The following COL22A1 variants were observed in gnomAD, a reference collection of about 807,000 sequenced individuals.
COL22A1 encodes collagen alpha-1(XXII) chain.
In COL22A1, 221 loss-of-function variants were observed where a neutral mutation model predicts 248.9. The ratio of observed to expected loss-of-function variants is 0.89; its 90% CI spans 0.80 to 0.99. The LOEUF is 0.99. Ranked by LOEUF, COL22A1 falls within the 50% of genes least tolerant of loss-of-function variation. COL22A1 has a pLI of 0.00. For synonymous variants in COL22A1, 891 were observed against 793.4 expected (o/e 1.12, Z -2.07); for missense variants, 2,240 against 2,179.0 (o/e 1.03, Z -0.56).
chr8:138,826,929 T>A, intron 5 of COL22A1, 148 bp from the exon 6 acceptor site: 2 of 968,750 alleles, frequency 2.1e-6, no homozygotes, highest in African/African-American at 3.3e-5. Context: ...CTGCCTTCAC[T>A]GCCTTCTCCT....
At chr8:138,720,716 G>T in intron 27 of COL22A1, 23 bp downstream of exon 27, 2 of 1,602,256 alleles carry the variant, frequency 1.2e-6, no homozygotes, top group Non-Finnish European at 1.7e-6. Context: ...AAGCATAATG[G>T]GAAAAAGAGG....
chr8:138,708,414 G>C (rs1048896833), intron 30 of COL22A1, among the ~76,000 whole-genome samples: 5 of 152,186 alleles, frequency 3.3e-5, no homozygotes, highest in African/African-American at 1.2e-4. Flanking sequence ...AACCAAAACA[G>C]CATGGTACTG....
intron 20 of COL22A1, 27 bp downstream of exon 20, chr8:138,755,455 T>G (rs748322870): frequency 6.2e-7 from 1 of 1,609,614 alleles, no homozygotes; most frequent in South Asian, 1.1e-5. Context: ...TAAATCCCCA[T>G]GAGAAGAAGA....
chr8:138,726,719 C>T (rs4075072), intron 23 of COL22A1, among the ~76,000 whole-genome samples: 60,799 of 151,412 alleles, frequency 0.4, 12,503 homozygotes, highest in African/African-American at 0.52. Context: ...TAAAGGCCGG[C>T]TGCTGTTGAA....
intron 44 of COL22A1, among the ~76,000 whole-genome samples, chr8:138,659,973 C>T (rs753402606): frequency 6.6e-6 from 1 of 152,222 alleles, no homozygotes; most frequent in Non-Finnish European, 1.5e-5. Context: ...TGCTGTTGCT[C>T]ATTTGCTCAC....
chr8:138,913,312 T>C (rs1043707851), intron 1 of COL22A1, among the ~76,000 whole-genome samples: 2 of 152,146 alleles, frequency 1.3e-5, no homozygotes, highest in African/African-American at 4.8e-5. Flanking sequence ...CATTTGACTC[T>C]CGGCGGCCAT....
chr8:138,755,053 T>C, intron 21 of COL22A1, 104 bp downstream of exon 21: 1 of 1,194,248 alleles, frequency 8.4e-7, no homozygotes. Context: ...GTGAAGGCGC[T>C]TGAGATAATG....
At chr8:138,891,045 C>CAA (rs1384955342) in intron 1 of COL22A1, among the ~76,000 whole-genome samples, 2 of 151,908 alleles carry the variant, frequency 1.3e-5, no homozygotes, top group Non-Finnish European at 2.9e-5. Context: ...TGTTGTGTTC[C>CAA]TGTACACCAG....
chr8:138,753,954 C>T (rs1005319627), intron 21 of COL22A1, among the ~76,000 whole-genome samples: 6 of 152,158 alleles, frequency 3.9e-5, no homozygotes, highest in Non-Finnish European at 7.4e-5. Flanking sequence ...TTGTATACTC[C>T]GTGGTGAAAA....
In COL22A1 at chr8:138,755,970, G is replaced by A. The variant is rs765424818; in HGVS notation, c.1903-141C>T. On this transcript the variant is annotated intron_variant, in intron 18 of 64. Coordinates refer to ENST00000303045, the MANE Select transcript of COL22A1 (RefSeq NM_152888.3). ...CACCACACATATCTTCGTCTTGCCC[G>A]AGCCTGCTGTCTTCTGAAATTCTCA... 1.7e-5 allele frequency: 12 copies of A among 688,132 alleles called. 1 individual carries two copies. The highest frequency in any genetic ancestry group is 1.2e-4 in the Admixed American group (5 of 40,948). The allele number at this position is 688,132 out of a possible 1,614,324, so 42.6% of individuals were successfully genotyped here.
intron 1 of COL22A1, among the ~76,000 whole-genome samples, chr8:138,883,795 C>A (rs1418732388): frequency 6.6e-6 from 1 of 152,208 alleles, no homozygotes; most frequent in East Asian, 1.9e-4. Flanking sequence ...GGGGCCTCCC[C>A]AGCCATGCGG....
At chr8:138,686,249 T>A (rs1320610947) in intron 37 of COL22A1, among the ~76,000 whole-genome samples, 1 of 152,014 alleles carries the variant, frequency 6.6e-6, no homozygotes, top group African/African-American at 2.4e-5. Flanking sequence ...GGGGTCGGCT[T>A]GAGGACCTGG....
chr8:138,694,866 G>C lies in COL22A1; in HGVS notation c.2606C>G (p.Pro869Arg), dbSNP rs138552751. ...PHPRMPGEQG[P>R]KGEKGDPGLP... ...GCCTGGATCGCCCTTCTCTCCTTTGGGCCCTTGTTCTCCCTGTTGGTGAGA... is the reference window on the plus strand; with the variant it reads ...GCCTGGATCGCCCTTCTCTCCTTTGCGCCCTTGTTCTCCCTGTTGGTGAGA... Residue 869 changes from proline to arginine, a missense_variant, in exon 33 of 65, where the codon CCC becomes CGC. Pro to Arg is a moderately radical substitution (Grantham distance 103). Transcript: ENST00000303045. The C allele has an allele frequency of 6.2e-7, 1 of 1,613,910 alleles. No individual in the cohort carries two copies. Among genetic ancestry groups the C allele is most frequent in the Admixed American group, 1.7e-5 (1 of 59,984 alleles).
chr8:138,643,020 C>A (rs1465354960), intron 47 of COL22A1, among the ~76,000 whole-genome samples: 2 of 145,734 alleles, frequency 1.4e-5, no homozygotes, highest in Non-Finnish European at 3.0e-5. Context: ...CAGAGCAAGA[C>A]TCTATCTTAA....
At chr8:138,757,782 C>T (rs1056163150) in intron 18 of COL22A1, among the ~76,000 whole-genome samples, 4 of 152,216 alleles carry the variant, frequency 2.6e-5, no homozygotes, top group African/African-American at 9.6e-5. Context: ...AAGTCTAGTA[C>T]ATAATAGGAC....
At chr8:138,902,737 TATACACACACACACACACAC>T (rs1309192439) in intron 1 of COL22A1, among the ~76,000 whole-genome samples, 29 of 107,044 alleles carry the variant, frequency 2.7e-4, no homozygotes, top group Admixed American at 6.6e-4. Flanking sequence ...TATATATATA[TATACACACACACACACACAC>T]ACACACACAC....
intron 41 of COL22A1, among the ~76,000 whole-genome samples, chr8:138,667,744 G>A (rs1263541300): frequency 1.3e-5 from 2 of 152,174 alleles, no homozygotes; most frequent in Non-Finnish European, 2.9e-5. Context: ...AACAGCGCCA[G>A]TCTGCAACCC....
At chr8:138,628,316 G>A (rs947082347) in intron 50 of COL22A1, among the ~76,000 whole-genome samples, 40 of 150,618 alleles carry the variant, frequency 2.7e-4, no homozygotes, top group African/African-American at 8.0e-4. Context: ...GCTGGGCACC[G>A]TGGCTCATGC....
intron 22 of COL22A1, among the ~76,000 whole-genome samples, chr8:138,751,234 G>T (rs1220397197): frequency 6.6e-6 from 1 of 152,156 alleles, no homozygotes; most frequent in Non-Finnish European, 1.5e-5. Flanking sequence ...ATGACTCCTG[G>T]CAGACAACAG....
Sources: gnomAD v4.1 joint callset for allele counts (sites outside exome capture counted in the v4.1 genomes callset) on GRCh38, gnomAD v4.1.1 for gene constraint, MANE v1.5 for transcripts, NCBI Gene and HGNC (gene_info 2026-07-23, HGNC 2026-07-21) for gene names.